PPP3CC: variants seen among roughly 807,000 people sequenced by gnomAD.
PPP3CC encodes serine/threonine-protein phosphatase 2B catalytic subunit gamma isoform.
In PPP3CC, 35 loss-of-function variants were observed where a neutral mutation model predicts 60.3. The observed-to-expected ratio is 0.58, with a 90% CI of 0.44 to 0.77. The LOEUF (loss-of-function observed/expected upper bound fraction) is 0.77, where lower values mean the gene tolerates loss of function less well. Among genes scored for constraint, PPP3CC ranks in the 30% least tolerant of loss-of-function variants. The probability of loss-of-function intolerance (pLI) is 0.00; values close to 1 mark genes in which losing one functional copy is unlikely to be tolerated. For missense variants in PPP3CC, 570 were observed against 628.9 expected (o/e 0.91, Z 1.00); for synonymous variants, 206 against 224.3 (o/e 0.92, Z 0.73).
chr8:22,480,970 G>A (rs992281568), intron 3 of PPP3CC, among the ~76,000 whole-genome samples: 1 of 152,162 alleles, frequency 6.6e-6, no homozygotes, highest in Non-Finnish European at 1.5e-5. Flanking sequence ...TTGATTTTGG[G>A]GACGTTTGTC....
intron 1 of PPP3CC, among the ~76,000 whole-genome samples, chr8:22,453,061 ACT>A (rs1319612258): frequency 1.3e-5 from 2 of 151,844 alleles, no homozygotes; most frequent in Non-Finnish European, 1.5e-5. Flanking sequence ...AAGAGTACAG[ACT>A]CTGCTGATTA....
chr8:22,500,449 A>G (rs1256202260), intron 4 of PPP3CC, among the ~76,000 whole-genome samples: 1 of 152,052 alleles, frequency 6.6e-6, no homozygotes, highest in Non-Finnish European at 1.5e-5. Context: ...AAAATATATT[A>G]TAAAATATTT....
chr8:22,527,113 A>G (rs1008088754), intron 8 of PPP3CC, among the ~76,000 whole-genome samples: 25 of 152,222 alleles, frequency 1.6e-4, no homozygotes, highest in African/African-American at 5.8e-4. Flanking sequence ...CTTGAGGTTT[A>G]TATAGATAGT....
chr8:22,447,175 A>ATT lies in PPP3CC; in HGVS notation c.49+5738_49+5739dup, dbSNP rs1161858120. On this transcript the variant is annotated intron_variant, in intron 1 of 13. Transcript: ENST00000240139. ...TAGCATACGCCACCGTGTCCAACTA[A>ATT]TTTTTTTTTTTTTTTTTTTTTTGTG... is the stretch of plus-strand genomic sequence containing the variant. Among the ~76,000 whole-genome samples the ATT allele has an allele frequency of 3.3e-3, 379 of 116,290 alleles. 4 individuals carry two copies. Among genetic ancestry groups the ATT allele is most frequent in the Non-Finnish European group, 4.6e-3 (254 of 55,276 alleles). The allele number at this position is 116,290 out of a possible 152,430, so 76.3% of individuals were successfully genotyped here.
chr8:22,489,884 C>T (rs1328893368), intron 3 of PPP3CC, among the ~76,000 whole-genome samples: 6 of 150,488 alleles, frequency 4.0e-5, no homozygotes, highest in East Asian at 3.9e-4. Context: ...TGCAGTGGCA[C>T]GATCTCAGCT....
At chr8:22,504,051 G>C (rs1453712090) in intron 4 of PPP3CC, among the ~76,000 whole-genome samples, 2 of 152,106 alleles carry the variant, frequency 1.3e-5, no homozygotes, top group Non-Finnish European at 2.9e-5. Flanking sequence ...TTTTAAGAGG[G>C]AGGTGGGTGA....
rs1190481808 is a variant in PPP3CC at position 22,441,145 on chromosome 8, G to C, written c.-265G>C. On this transcript the variant is annotated 5_prime_UTR_variant, in exon 1 of 14. Coordinates refer to ENST00000240139, the MANE Select transcript of PPP3CC (RefSeq NM_005605.5). Reference sequence around the variant, plus strand: ...GGTCGCCACCCTTAGCAGCGGTCGCGGTCGGTGCCGAAGCGGTGTTCCCCG... The same window carrying C: ...GGTCGCCACCCTTAGCAGCGGTCGCCGTCGGTGCCGAAGCGGTGTTCCCCG... 2.9e-6 allele frequency: 1 copy of C among 347,792 alleles called. No homozygotes were observed. The highest frequency in any genetic ancestry group is 5.2e-6 in the Non-Finnish European group (1 of 193,344). 21.5% of individuals were successfully genotyped at this position (347,792 alleles called of 1,614,324 possible). A position where few individuals can be genotyped will look rare whatever the true frequency, so the allele number is the denominator to read the frequency against.
chr8:22,465,153 G>T (rs909058057), intron 1 of PPP3CC, among the ~76,000 whole-genome samples: 2 of 151,958 alleles, frequency 1.3e-5, no homozygotes, highest in African/African-American at 4.8e-5. Flanking sequence ...TAGAGACGGG[G>T]TTTCACCATG....
chr8:22,498,589 T>C (rs1269411071), intron 4 of PPP3CC, among the ~76,000 whole-genome samples: 1 of 152,228 alleles, frequency 6.6e-6, no homozygotes, highest in Non-Finnish European at 1.5e-5. Flanking sequence ...ATTTTACAAA[T>C]AAAATTGGGC....
chr8:22,472,878 C>G (rs73546073), intron 1 of PPP3CC, among the ~76,000 whole-genome samples: 1 of 152,214 alleles, frequency 6.6e-6, no homozygotes, highest in African/African-American at 2.4e-5. Flanking sequence ...AGTTCCCACT[C>G]ATTAGTCAAT....
At chr8:22,443,519 TAAA>T (rs5890033) in intron 1 of PPP3CC, among the ~76,000 whole-genome samples, 6 of 103,650 alleles carry the variant, frequency 5.8e-5, no homozygotes, top group Admixed American at 2.1e-4. Flanking sequence ...AAACTCTCTC[TAAA>T]AAAAAAAAAA....
At position 22,475,089 on chromosome 8, in the gene PPP3CC, A is replaced by G. The variant is rs1837846811; in HGVS notation, c.185A>G (p.Asn62Ser). ...LEEEVALKIINDGAAILRQEK... is the reference protein window; with the variant it reads ...LEEEVALKIISDGAAILRQEK... Reference sequence around the variant, plus strand: ...GAGGAAGTAGCCTTAAAGATAATCAATGATGGGGCTGCCATCCTGAGGCAA... The same window carrying G: ...GAGGAAGTAGCCTTAAAGATAATCAGTGATGGGGCTGCCATCCTGAGGCAA... The change falls in exon 2 of 14, where the codon AAT becomes AGT. Residue 62 changes from asparagine to serine, a missense_variant. Coordinates refer to ENST00000240139, the MANE Select transcript of PPP3CC (RefSeq NM_005605.5). 4 of 1,613,764 alleles carry G rather than the reference A, an allele frequency of 2.5e-6. No homozygotes were observed. The highest frequency in any genetic ancestry group is 3.4e-6 in the Non-Finnish European group (4 of 1,179,842).
chr8:22,473,823 A>C (rs550809881), intron 1 of PPP3CC, among the ~76,000 whole-genome samples: 1 of 152,202 alleles, frequency 6.6e-6, no homozygotes, highest in East Asian at 1.9e-4. Context: ...ACATAGCTCC[A>C]TCTTGGTAGT....
In PPP3CC at chr8:22,513,447, G is replaced by T; in HGVS notation, c.770+15G>T. The T allele has an allele frequency of 6.4e-7, 1 of 1,563,566 alleles. No homozygotes were observed. The highest frequency in any genetic ancestry group is 2.1e-5 in the Admixed American group (1 of 48,064). ...TATTTCTACAGGTAAGCTAGTCCTT[G>T]AGGTCGAAAATTATGAAAGGAAACT... is the stretch of plus-strand genomic sequence containing the variant. On this transcript the variant is annotated intron_variant, in intron 6 of 13. Coordinates refer to ENST00000240139, the MANE Select transcript of PPP3CC (RefSeq NM_005605.5).
chr8:22,519,176 G>A (rs1332119500), intron 6 of PPP3CC, among the ~76,000 whole-genome samples: 2 of 151,894 alleles, frequency 1.3e-5, no homozygotes, highest in African/African-American at 4.8e-5. Context: ...AGTTTATTTT[G>A]TCTGATAAAA....
At chr8:22,448,568 G>A (rs917163880) in intron 1 of PPP3CC, among the ~76,000 whole-genome samples, 1 of 151,890 alleles carries the variant, frequency 6.6e-6, no homozygotes, top group Non-Finnish European at 1.5e-5. Context: ...TAGTAGAGAC[G>A]AGGTTTCTCC....
chr8:22,505,834 G>A (rs1274462032), intron 4 of PPP3CC, among the ~76,000 whole-genome samples: 1 of 151,860 alleles, frequency 6.6e-6, no homozygotes, highest in South Asian at 2.1e-4. Flanking sequence ...TTTGAATTCA[G>A]TCTCAACTAT....
At chr8:22,457,419 C>G (rs1157485995) in intron 1 of PPP3CC, among the ~76,000 whole-genome samples, 3 of 151,932 alleles carry the variant, frequency 2.0e-5, no homozygotes, top group Admixed American at 1.3e-4. Flanking sequence ...TCTCCTGCCT[C>G]AGCCTCTGGA....
chr8:22,461,833 T>C (rs1221321333), intron 1 of PPP3CC, among the ~76,000 whole-genome samples: 12 of 152,240 alleles, frequency 7.9e-5, no homozygotes, highest in Admixed American at 7.9e-4. Flanking sequence ...TTGAGTGAGT[T>C]GCTGGAACAG....
Sources: allele counts gnomAD v4.1 joint callset (sites outside exome capture counted in the v4.1 genomes callset), GRCh38; gene constraint gnomAD v4.1.1; transcripts MANE v1.5; gene names NCBI Gene and HGNC (gene_info 2026-07-23, HGNC 2026-07-21).